PRPF8: variants seen among roughly 807,000 people sequenced by gnomAD.
PRPF8 encodes pre-mRNA processing factor 8, also known as pre-mRNA-processing-splicing factor 8.
PRPF8 carries 64 observed loss-of-function variants against 285.9 expected under a neutral mutation model. That is an observed-to-expected ratio of 0.22 (90% CI 0.18 to 0.28). The LOEUF is 0.28. Ranked by LOEUF, PRPF8 falls within the 10% of genes least tolerant of loss-of-function variation. PRPF8 has a pLI of 1.00. For synonymous variants in PRPF8, 1,325 were observed against 1,118.2 expected, an observed-to-expected ratio of 1.18 and a Z score of -3.69; for missense variants, 1,426 against 3,026.7, an observed-to-expected ratio of 0.47 and a Z score of 12.41.
At chr17:1,668,976 T>C (rs779860846) in intron 24 of PRPF8, among the ~76,000 whole-genome samples, 3 of 152,210 alleles carry the variant, frequency 2.0e-5, no homozygotes, top group Non-Finnish European at 4.4e-5. Context: ...AATCCTGTTA[T>C]AGCTTCCCAC....
chr17:1,675,387 A>C lies in PRPF8; in HGVS notation c.2873-48T>G. 2 of 1,598,956 alleles carry C rather than the reference A, an allele frequency of 1.3e-6. No homozygotes were observed. The highest frequency in any genetic ancestry group is 1.7e-6 in the Non-Finnish European group (2 of 1,167,052). On this transcript the variant is annotated intron_variant, in intron 19 of 42. Coordinates refer to ENST00000304992, the MANE Select transcript of PRPF8 (RefSeq NM_006445.4). The surrounding 1 kb of genome is among the most constrained non-coding windows in gnomAD (Gnocchi z 6.0). ...TCCAGCAGGTTAGAAATCCTCTTGC[A>C]AGACTAGCCCCACAGGAACTATCAT...
intron 37 of PRPF8, chr17:1,654,551 C>A (rs1486525507): frequency 4.4e-6 from 1 of 224,914 alleles, no homozygotes. Context: ...AAGAGTCAGA[C>A]TGAAGCCCTA....
rs1329941195 is a variant in PRPF8 at position 1,679,642 on chromosome 17, C to T, written c.1256G>A (p.Arg419His). 1.9e-6 allele frequency: 3 copies of T among 1,613,816 alleles called. No individual in the cohort carries two copies. Among genetic ancestry groups the T allele is most frequent in the South Asian group, 1.1e-5 (1 of 91,074 alleles). ...GACAAGGGGTATGTCCAGGGCCCGA[C>T]GGGTGCGACCAGAGCGTAGGTTGAA... is the stretch of plus-strand genomic sequence containing the variant. ...RPFNLRSGRT[R>H]RALDIPLVKN... The change falls in exon 9 of 43, where the codon CGT (arginine) becomes CAT (histidine). Residue 419 changes from arginine (R) to histidine (H), a missense_variant. Arg to His is a conservative substitution (Grantham distance 29). Around this residue, in one of 34 missense-constraint regions of PRPF8, gnomAD observed 137 missense variants for 161.2 expected, o/e 0.85. Coordinates refer to ENST00000304992, the MANE Select transcript of PRPF8 (RefSeq NM_006445.4). This position sits in a 1 kb window ranked among gnomAD's most constrained non-coding sequence, Gnocchi z 4.7.
chr17:1,672,578 C>T (rs62089970), intron 24 of PRPF8, among the ~76,000 whole-genome samples: 4,183 of 152,278 alleles, frequency 0.027, 79 homozygotes, highest in Middle Eastern at 0.044. Context: ...CCACCGTGCC[C>T]GGCCGAGGTA....
intron 3 of PRPF8, chr17:1,683,018 C>G: frequency 6.4e-6 from 1 of 157,186 alleles, no homozygotes; most frequent in Non-Finnish European, 1.4e-5. Context: ...TTTTTTGAGA[C>G]GGAGTCTCGT....
In PRPF8 at chr17:1,653,238, CCGAGTG is replaced by C. The variant is rs1308910851; in HGVS notation, c.6369+298_6369+303del. ...TATAGGCATTAGCCACTGTGCCCAGCCGAGTGTTGGGATTACAGGCATGAGCCAGCA... is the reference window on the plus strand; with the variant it reads ...TATAGGCATTAGCCACTGTGCCCAGCTTGGGATTACAGGCATGAGCCAGCA... On this transcript the variant is annotated intron_variant, in intron 39 of 42. Coordinates refer to ENST00000304992, the MANE Select transcript of PRPF8 (RefSeq NM_006445.4). This position sits in a 1 kb window ranked among gnomAD's most constrained non-coding sequence, Gnocchi z 4.9. 56 of 514,244 alleles carry C rather than the reference CCGAGTG, an allele frequency of 1.1e-4. No individual in the cohort carries two copies. Among genetic ancestry groups the C allele is most frequent in the Non-Finnish European group, 2.1e-5 (6 of 282,800 alleles). 31.9% of individuals were successfully genotyped at this position (514,244 alleles called of 1,614,324 possible).
At chr17:1,681,358 G>T in intron 6 of PRPF8, 120 bp downstream of exon 6, 1 of 1,176,566 alleles carries the variant, frequency 8.5e-7, no homozygotes, top group Non-Finnish European at 1.3e-6. Context: ...TGAGATTACA[G>T]CGTGAGCCAC....
chr17:1,653,784 T>C lies in PRPF8; in HGVS notation c.6220A>G (p.Arg2074Gly). The change falls in exon 38 of 43, where the codon AGG (arginine) becomes GGG (glycine). Residue 2074 changes from arginine to glycine, a missense_variant. Transcript: ENST00000304992. This position sits in a 1 kb window ranked among gnomAD's most constrained non-coding sequence, Gnocchi z 4.9. ...TQTFSSKTEW[R>G]VRAISAANLH... ...CCTCTTGCCCGACAGTACCTGACCC[T>C]CCACTCAGTCTTGGATGAGAAAGTC... 1 of 1,614,092 alleles carries C rather than the reference T, an allele frequency of 6.2e-7. No homozygotes were observed. Among genetic ancestry groups the C allele is most frequent in the Non-Finnish European group, 8.5e-7 (1 of 1,180,012 alleles).
intron 8 of PRPF8, among the ~76,000 whole-genome samples, chr17:1,680,315 CAAGT>C (rs1371613251): frequency 6.6e-6 from 1 of 152,144 alleles, no homozygotes; most frequent in East Asian, 1.9e-4. Context: ...GTTTCTTTCT[CAAGT>C]AATAAAAATA....
In PRPF8 at chr17:1,678,521, G is replaced by C; in HGVS notation, c.1851C>G (p.Asn617Lys). 1 of 1,614,188 alleles carries C rather than the reference G, an allele frequency of 6.2e-7. No individual in the cohort carries two copies. The highest frequency in any genetic ancestry group is 8.5e-7 in the Non-Finnish European group (1 of 1,180,036). ...GTCAGTAAAGTCAAGGTCTCACCGT[G>C]TTGAAACGATAATAGATGAGATGCT... is the stretch of plus-strand genomic sequence containing the variant. ...DLKHLIYYRF[N>K]TGPVGKGPGC... Residue 617 changes from asparagine to lysine, a missense_variant, in exon 13 of 43, where the codon AAC (asparagine) becomes AAG (lysine). Asn to Lys is a moderately conservative substitution (Grantham distance 94). This residue lies in a region of PRPF8 where 69 missense variants were observed against 134.7 expected (regional missense o/e 0.51). Coordinates refer to ENST00000304992, the MANE Select transcript of PRPF8 (RefSeq NM_006445.4).
chr17:1,670,833 G>C (rs576618705), intron 24 of PRPF8, among the ~76,000 whole-genome samples: 3 of 151,832 alleles, frequency 2.0e-5, no homozygotes, highest in Non-Finnish European at 4.4e-5. Flanking sequence ...CCCCAAACCT[G>C]GTCTCCCATC....
chr17:1,650,813 G>C lies in PRPF8; in HGVS notation c.6997C>G (p.Leu2333Val). 2 of 1,614,066 alleles carry C rather than the reference G, an allele frequency of 1.2e-6. No homozygotes were observed. The highest frequency in any genetic ancestry group is 2.7e-5 in the African/African-American group (2 of 75,026). The change falls in exon 43 of 43, where the codon CTG becomes GTG. Residue 2333 changes from leucine (L) to valine (V), a missense_variant. Leu to Val is a conservative substitution (Grantham distance 32). Around this residue, in one of 34 missense-constraint regions of PRPF8, gnomAD observed 59 missense variants for 58.6 expected, o/e 1.01. Coordinates refer to ENST00000304992, the MANE Select transcript of PRPF8 (RefSeq NM_006445.4). The part of the protein sequence containing the change: ...GEVYSADRED[L>V]YA ...AGGCAGGGAAACGGTCAGGCATACA[G>C]GTCCTCCCGATCCGCAGAGTAAACC...
Position 1,659,690 on chromosome 17 carries a change from A to T in PRPF8, c.4947-142T>A, listed in dbSNP as rs1237673998. The T allele has an allele frequency of 7.3e-7, 1 of 1,360,864 alleles. No homozygotes were observed. Among genetic ancestry groups the T allele is most frequent in the Non-Finnish European group, 1.0e-6 (1 of 976,264 alleles). 84.3% of individuals were successfully genotyped at this position (1,360,864 alleles called of 1,614,324 possible). A position where few individuals can be genotyped will look rare whatever the true frequency, so the allele number is the denominator to read the frequency against. ...CAGCAGGACCCCAGAGAATCAGCAG[A>T]TCTGACTAAGGGTGTTGACAGGCTC... On this transcript the variant is annotated intron_variant, in intron 31 of 42. Coordinates refer to ENST00000304992, the MANE Select transcript of PRPF8 (RefSeq NM_006445.4). The surrounding 1 kb of genome is among the most constrained non-coding windows in gnomAD (Gnocchi z 5.1).
intron 37 of PRPF8, chr17:1,654,521 A>G (rs1911249598): frequency 4.3e-6 from 1 of 235,094 alleles, no homozygotes; most frequent in Non-Finnish European, 8.4e-6. Flanking sequence ...TTGAAATGGC[A>G]ACAGTGAGAA....
intron 30 of PRPF8, 123 bp from the exon 31 acceptor site, chr17:1,660,124 T>C (rs187344880): frequency 1.7e-5 from 21 of 1,235,084 alleles, no homozygotes; most frequent in Non-Finnish European, 2.4e-5. Flanking sequence ...GGATTTCCCA[T>C]ATGCAAAAGA....
chr17:1,651,017 C>T lies in PRPF8; in HGVS notation c.6854-61G>A, dbSNP rs1057064804. 6.8e-6 allele frequency: 11 copies of T among 1,613,974 alleles called. No homozygotes were observed. In the African/African-American group the frequency reaches 1.5e-4, roughly 22 times the overall value. On this transcript the variant is annotated intron_variant, in intron 42 of 42. Coordinates refer to ENST00000304992, the MANE Select transcript of PRPF8 (RefSeq NM_006445.4). The surrounding 1 kb of genome is among the most constrained non-coding windows in gnomAD (Gnocchi z 5.1). ...CTCCTGCCTCATGCAGCCTGCGCCA[C>T]CTCCAAGCCAGCCAGGCCCCAAGTG...
chr17:1,677,507 G>T, intron 14 of PRPF8, 58 bp downstream of exon 14: 1 of 1,612,946 alleles, frequency 6.2e-7, no homozygotes, highest in Non-Finnish European at 8.5e-7. Flanking sequence ...GACTCAAACA[G>T]GGGCAGGTAC....
chr17:1,679,596 G>A lies in PRPF8; in HGVS notation c.1289+13C>T, dbSNP rs199729224. 1.6e-3 allele frequency: 2,609 copies of A among 1,612,882 alleles called. 5 individuals carry two copies. The highest frequency in any genetic ancestry group is 1.9e-3 in the Non-Finnish European group (2,209 of 1,179,902). On this transcript the variant is annotated intron_variant, in intron 9 of 42. Coordinates refer to ENST00000304992, the MANE Select transcript of PRPF8 (RefSeq NM_006445.4). This position sits in a 1 kb window ranked among gnomAD's most constrained non-coding sequence, Gnocchi z 4.7. ...TCCACTATCATTCCCCCTGCCACAGGGAAAAACCTTACCAGTTCTTGACAA... is the reference window on the plus strand; with the variant it reads ...TCCACTATCATTCCCCCTGCCACAGAGAAAAACCTTACCAGTTCTTGACAA...
At position 1,655,549 on chromosome 17, in the gene PRPF8, A is replaced by G. The variant is rs761565328; in HGVS notation, c.5794-6T>C. The G allele has an allele frequency of 2.5e-6, 4 of 1,609,592 alleles. No homozygotes were observed. In the African/African-American group the frequency reaches 5.3e-5, roughly 22 times the overall value. On this transcript the variant is annotated splice_polypyrimidine_tract_variant and splice_region_variant and intron_variant, in intron 36 of 42. Coordinates refer to ENST00000304992, the MANE Select transcript of PRPF8 (RefSeq NM_006445.4). ...AGGATGAGACGGGAGAAGGCCTGGGAAAAGATTTGGAAGAGTGGGGTAGGT... is the reference window on the plus strand; with the variant it reads ...AGGATGAGACGGGAGAAGGCCTGGGGAAAGATTTGGAAGAGTGGGGTAGGT...
Sources: allele counts gnomAD v4.1 joint callset (sites outside exome capture counted in the v4.1 genomes callset), GRCh38; gene constraint gnomAD v4.1.1; regional missense constraint gnomAD v4.1.1; non-coding constraint Gnocchi (gnomAD v3.1); transcripts MANE v1.5; gene names NCBI Gene and HGNC (gene_info 2026-07-23, HGNC 2026-07-21).